Variants in STIM1 observed in about 807,000 individuals in gnomAD.
The protein encoded by STIM1 is stromal interaction molecule 1.
In STIM1, 25 loss-of-function variants were observed where a neutral mutation model predicts 74.7. That is an observed-to-expected ratio of 0.33 (90% CI 0.24 to 0.47). The LOEUF (loss-of-function observed/expected upper bound fraction) is 0.47, where lower values mean the gene tolerates loss of function less well. STIM1 is among the 20% of genes least tolerant of loss of function. The pLI, the probability that STIM1 is intolerant of heterozygous loss-of-function variation, is 1.00. For missense variants in STIM1, 728 were observed against 920.8 expected, an observed-to-expected ratio of 0.79 and a Z score of 2.71; for synonymous variants, 328 against 348.8, an observed-to-expected ratio of 0.94 and a Z score of 0.66.
At chr11:3,954,181 A>C (rs1403454706) in intron 1 of STIM1, among the ~76,000 whole-genome samples, 1 of 151,536 alleles carries the variant, frequency 6.6e-6, no homozygotes, top group Non-Finnish European at 1.5e-5. Flanking sequence ...ATTCTCTTCT[A>C]CCTGTTTTTC....
At chr11:3,979,910 A>T (rs1010523754) in intron 2 of STIM1, among the ~76,000 whole-genome samples, 2 of 152,094 alleles carry the variant, frequency 1.3e-5, no homozygotes, top group East Asian at 3.9e-4. Flanking sequence ...CCCTGTCTGT[A>T]TCAATCTTAG....
intron 1 of STIM1, chr11:3,947,512 G>C (rs1182003442): frequency 6.6e-6 from 1 of 152,174 alleles, no homozygotes; most frequent in Non-Finnish European, 1.5e-5. Context: ...TATTACTGCT[G>C]ACGGGGGCCC....
intron 1 of STIM1, among the ~76,000 whole-genome samples, chr11:3,901,970 A>G (rs2092360718): frequency 6.6e-6 from 1 of 152,146 alleles, no homozygotes; most frequent in Admixed American, 6.5e-5. Context: ...GTTTTGCCAT[A>G]TTGCCCAGGC....
intron 2 of STIM1, among the ~76,000 whole-genome samples, chr11:4,002,458 G>T (rs1031811572): frequency 1.3e-5 from 2 of 151,926 alleles, no homozygotes; most frequent in African/African-American, 4.8e-5. Context: ...CAATTACATG[G>T]AAACTGAACA....
At chr11:3,895,751 C>T (rs181737927) in intron 1 of STIM1, among the ~76,000 whole-genome samples, 4,626 of 35,306 alleles carry the variant, frequency 0.13, 743 homozygotes, top group Middle Eastern at 0.22. Flanking sequence ...TTTCTTCCTT[C>T]CTTCCTTCCT....
chr11:3,959,653 T>C (rs1264870644), intron 1 of STIM1, among the ~76,000 whole-genome samples: 1 of 152,168 alleles, frequency 6.6e-6, no homozygotes, highest in African/African-American at 2.4e-5. Flanking sequence ...CAGTGAATGA[T>C]TAGCTCTGCC....
At position 3,967,589 on chromosome 11, in the gene STIM1, G is replaced by A. The variant is rs553909431; in HGVS notation, c.177G>A (p.Glu59=). Residue 59 remains glutamate (E), a synonymous_variant, in exon 2 of 13, where the codon GAG becomes GAA. Transcript: ENST00000526596. ...CRIDKPLCHS[E]DEKLSFEAVR... ...TTGACAAGCCCCTGTGTCACAGTGA[G>A]GATGAGAAACTCAGCTTCGAGGCAG... 1.2e-5 allele frequency: 19 copies of A among 1,614,212 alleles called. 1 individual carries two copies. The Admixed American group carries it at 3.2e-4, about 27-fold the overall frequency.
At chr11:3,908,059 T>G (rs1483578364) in intron 1 of STIM1, among the ~76,000 whole-genome samples, 2 of 152,208 alleles carry the variant, frequency 1.3e-5, no homozygotes, top group Non-Finnish European at 2.9e-5. Context: ...TATTTATTGG[T>G]CAGGCCTTTC....
chr11:4,002,231 G>C (rs1196246516), intron 2 of STIM1, among the ~76,000 whole-genome samples: 1 of 151,208 alleles, frequency 6.6e-6, no homozygotes, highest in African/African-American at 2.4e-5. Flanking sequence ...TCTGCACCAA[G>C]CGGACCTAAT....
intron 2 of STIM1, among the ~76,000 whole-genome samples, chr11:4,010,150 G>A (rs1240200655): frequency 6.7e-6 from 1 of 149,538 alleles, no homozygotes; most frequent in Admixed American, 6.9e-5. Context: ...CTGAGAAGGT[G>A]GACTTTTAGT....
chr11:4,005,787 G>A (rs1394523037), intron 2 of STIM1, among the ~76,000 whole-genome samples: 1 of 152,038 alleles, frequency 6.6e-6, no homozygotes, highest in African/African-American at 2.4e-5. Flanking sequence ...TGACAGAAAA[G>A]AGACTAGACG....
At chr11:4,073,578 T>C (rs957503537) in intron 6 of STIM1, among the ~76,000 whole-genome samples, 1 of 152,190 alleles carries the variant, frequency 6.6e-6, no homozygotes, top group Non-Finnish European at 1.5e-5. Context: ...TGGCACTTAG[T>C]AGGCACTTGA....
chr11:3,976,900 T>C (rs957702968), intron 2 of STIM1, among the ~76,000 whole-genome samples: 1 of 152,106 alleles, frequency 6.6e-6, no homozygotes, highest in African/African-American at 2.4e-5. Context: ...GTTCAAGCGA[T>C]TCTCCTGCAT....
chr11:4,007,211 C>T (rs2093790779), intron 2 of STIM1, among the ~76,000 whole-genome samples: 1 of 152,070 alleles, frequency 6.6e-6, no homozygotes, highest in Non-Finnish European at 1.5e-5. Context: ...ATAGTTCTAG[C>T]CAATGTTGCA....
chr11:3,979,283 T>C (rs2093478899), intron 2 of STIM1, among the ~76,000 whole-genome samples: 1 of 152,126 alleles, frequency 6.6e-6, no homozygotes, highest in African/African-American at 2.4e-5. Context: ...CTCTAGTTTC[T>C]CCCGGAAAGC....
intron 3 of STIM1, among the ~76,000 whole-genome samples, chr11:4,037,045 T>C (rs1220384108): frequency 6.6e-6 from 1 of 151,960 alleles, no homozygotes; most frequent in East Asian, 1.9e-4. Context: ...TTTTCCTTTC[T>C]TTTCTTTCTT....
At chr11:3,956,823 CAAAA>C (rs78285130) in intron 1 of STIM1, among the ~76,000 whole-genome samples, 2,237 of 37,928 alleles carry the variant, frequency 0.059, 53 homozygotes, top group East Asian at 0.29. Flanking sequence ...ACCCTGTCTC[CAAAA>C]AAAAAAAAAA....
chr11:3,930,604 G>C (rs2092847730), intron 1 of STIM1, among the ~76,000 whole-genome samples: 2 of 152,216 alleles, frequency 1.3e-5, no homozygotes, highest in South Asian at 4.1e-4. Context: ...ACCCAAGTCA[G>C]ATAGTGGCTG....
intron 2 of STIM1, among the ~76,000 whole-genome samples, chr11:4,005,161 G>A (rs2093764746): frequency 6.6e-6 from 1 of 152,200 alleles, no homozygotes; most frequent in Admixed American, 6.5e-5. Context: ...CAACCATTGT[G>A]GAAGTCAGTG....
Sources: gnomAD v4.1 joint callset for allele counts (sites outside exome capture counted in the v4.1 genomes callset) on GRCh38, gnomAD v4.1.1 for gene constraint, MANE v1.5 for transcripts, NCBI Gene and HGNC (gene_info 2026-07-23, HGNC 2026-07-21) for gene names.